Variants in PRKCE observed in about 807,000 individuals in gnomAD.
The protein encoded by PRKCE is protein kinase C epsilon, also known as protein kinase C epsilon type.
A neutral mutation model predicts 85.4 loss-of-function variants in PRKCE; 16 were observed. That is an observed-to-expected ratio of 0.19 (90% CI 0.13 to 0.28). PRKCE has a LOEUF of 0.28. Ranked by LOEUF, PRKCE falls within the 10% of genes least tolerant of loss-of-function variation. The pLI is 1.00. For synonymous variants in PRKCE, 388 were observed against 371.5 expected, an observed-to-expected ratio of 1.04 and a Z score of -0.51; for missense variants, 573 against 975.2, an observed-to-expected ratio of 0.59 and a Z score of 5.49.
Position 45,998,112 on chromosome 2 carries a change from T to C in PRKCE, c.824-3292T>C, listed in dbSNP as rs143842062. On this transcript the variant is annotated intron_variant, in intron 6 of 14. Transcript: ENST00000306156. ...ATTGCTTCATATCTTGAGAAGAATG[T>C]GTATTCTTCTGTCACCGAATGAAGT... Among the ~76,000 whole-genome samples, 26 of 152,354 alleles carry C rather than the reference T, an allele frequency of 1.7e-4. 1 individual carries two copies. The highest frequency in any genetic ancestry group is 6.0e-4 in the African/African-American group (25 of 41,582).
At chr2:45,938,427 A>T (rs1426493951) in intron 2 of PRKCE, among the ~76,000 whole-genome samples, 5 of 152,216 alleles carry the variant, frequency 3.3e-5, no homozygotes, top group Non-Finnish European at 5.9e-5. Context: ...ATCTAGGACT[A>T]TCCTTAGTGA....
Position 46,010,559 on chromosome 2 carries a change from C to T in PRKCE, c.1437+42C>T, listed in dbSNP as rs766985789. The T allele has an allele frequency of 1.8e-5, 29 of 1,597,734 alleles. 1 individual carries two copies. In the Middle Eastern group the frequency reaches 1.2e-3, roughly 64 times the overall value. On this transcript the variant is annotated intron_variant, in intron 10 of 14. Coordinates refer to ENST00000306156, the MANE Select transcript of PRKCE (RefSeq NM_005400.3). ...CTGGCTGGCTGCCATGTTGGGGCAT[C>T]TTGACTATCAGATAAAATACCAATT... is the stretch of plus-strand genomic sequence containing the variant.
rs1358802111 is a variant in PRKCE at position 46,185,620 on chromosome 2, A to G, written c.*739A>G. 1 of 152,694 alleles carries G rather than the reference A, an allele frequency of 6.5e-6. No homozygotes were observed. The highest frequency in any genetic ancestry group is 2.4e-5 in the African/African-American group (1 of 41,474). 9.5% of individuals were successfully genotyped at this position (152,694 alleles called of 1,614,324 possible). Reference sequence around the variant, plus strand: ...AATTCACTTTCTAATTGGCCAAAAGAGATGAGTTCCAGTCTGAATACAGGT... The same window carrying G: ...AATTCACTTTCTAATTGGCCAAAAGGGATGAGTTCCAGTCTGAATACAGGT... On this transcript the variant is annotated 3_prime_UTR_variant, in exon 15 of 15. Coordinates refer to ENST00000306156, the MANE Select transcript of PRKCE (RefSeq NM_005400.3). This position sits in a 1 kb window ranked among gnomAD's most constrained non-coding sequence, Gnocchi z 4.7.
At chr2:46,153,334 A>G (rs1392522176) in intron 13 of PRKCE, among the ~76,000 whole-genome samples, 1 of 152,234 alleles carries the variant, frequency 6.6e-6, no homozygotes, top group African/African-American at 2.4e-5. Flanking sequence ...TATTCTATAA[A>G]TATTTATTGG....
In PRKCE at chr2:46,070,098, A is replaced by G. The variant is rs114070244; in HGVS notation, c.1438-16110A>G. 2.6e-3 allele frequency among the ~76,000 whole-genome samples: 392 copies of G among 152,292 alleles called. 2 individuals are homozygous for G. The highest frequency in any genetic ancestry group is 4.2e-3 in the Non-Finnish European group (287 of 68,022). ...TGACGTCCAGATGGTGGAGTTTGCT[A>G]CAAAGCAGCCCACTGTATGAAAGAC... On this transcript the variant is annotated intron_variant, in intron 10 of 14. Coordinates refer to ENST00000306156, the MANE Select transcript of PRKCE (RefSeq NM_005400.3).
chr2:45,837,586 G>A (rs868644105), intron 1 of PRKCE, among the ~76,000 whole-genome samples: 41 of 152,148 alleles, frequency 2.7e-4, no homozygotes, highest in African/African-American at 9.2e-4. Context: ...CTGCCAGTCC[G>A]GCTCCAGGGG....
At chr2:45,696,894 T>G (rs895800066) in intron 1 of PRKCE, among the ~76,000 whole-genome samples, 1 of 152,134 alleles carries the variant, frequency 6.6e-6, no homozygotes, top group Non-Finnish European at 1.5e-5. Flanking sequence ...ACTGTGTTGA[T>G]CATGTGACTG....
At chr2:46,160,065 G>T (rs1172074049) in intron 14 of PRKCE, 12 of 299,620 alleles carry the variant, frequency 4.0e-5, no homozygotes, top group Non-Finnish European at 5.5e-5. Context: ...TTCCATGTAT[G>T]GTAGAGACAT....
chr2:45,764,261 T>C (rs1260233240), intron 1 of PRKCE, among the ~76,000 whole-genome samples: 2 of 152,206 alleles, frequency 1.3e-5, no homozygotes, highest in African/African-American at 4.8e-5. Context: ...TATTGGCCCA[T>C]TTAAGTTACA....
intron 14 of PRKCE, among the ~76,000 whole-genome samples, chr2:46,176,840 A>G (rs375758469): frequency 7.2e-5 from 11 of 152,218 alleles, no homozygotes; most frequent in Admixed American, 2.0e-4. Context: ...CAACAGAGAG[A>G]TAGGAGGCAT....
intron 1 of PRKCE, among the ~76,000 whole-genome samples, chr2:45,762,195 T>C (rs1292055871): frequency 6.6e-6 from 1 of 152,254 alleles, no homozygotes; most frequent in Non-Finnish European, 1.5e-5. Flanking sequence ...TGTCAAGCTC[T>C]CTTACTTCCG....
rs2105122054 is a variant in PRKCE, at chr2:45,794,715, C to G, written c.349-48285C>G. Among the ~76,000 whole-genome samples the G allele has an allele frequency of 1.3e-5, 2 of 152,262 alleles. 1 individual carries two copies. Among genetic ancestry groups the G allele is most frequent in the South Asian group, 4.2e-4 (2 of 4,812 alleles). ...TCTCTGACTTCCTTTCTTCCTCTCC[C>G]ACTCCCAAGGTTGGACTGTTCGAAT... On this transcript the variant is annotated intron_variant, in intron 1 of 14. Coordinates refer to ENST00000306156, the MANE Select transcript of PRKCE (RefSeq NM_005400.3).
chr2:45,988,665 C>T (rs1703543116), intron 6 of PRKCE, among the ~76,000 whole-genome samples: 1 of 152,198 alleles, frequency 6.6e-6, no homozygotes, highest in South Asian at 2.1e-4. Flanking sequence ...TTCTTTCTTT[C>T]ATTTTGTGAC....
At chr2:45,934,942 T>C (rs1013170562) in intron 2 of PRKCE, among the ~76,000 whole-genome samples, 1 of 151,110 alleles carries the variant, frequency 6.6e-6, no homozygotes, top group Non-Finnish European at 1.5e-5. Context: ...GTGCCTGTAG[T>C]CCCAGCTACT....
intron 11 of PRKCE, among the ~76,000 whole-genome samples, chr2:46,128,592 A>G (rs1392007916): frequency 6.6e-6 from 1 of 152,252 alleles, no homozygotes; most frequent in East Asian, 1.9e-4. Context: ...AATCTCAGGC[A>G]TCTCTGTCTT....
At chr2:45,858,298 G>C (rs1227515663) in intron 2 of PRKCE, among the ~76,000 whole-genome samples, 1 of 152,110 alleles carries the variant, frequency 6.6e-6, no homozygotes, top group African/African-American at 2.4e-5. Flanking sequence ...AATCAAACCA[G>C]CGTCTTTTGG....
intron 10 of PRKCE, among the ~76,000 whole-genome samples, chr2:46,014,514 T>A (rs756181653): frequency 2.6e-5 from 4 of 152,192 alleles, no homozygotes; most frequent in South Asian, 2.1e-4. Flanking sequence ...TAGAAGACTT[T>A]TAAGTGGGTA....
intron 2 of PRKCE, among the ~76,000 whole-genome samples, chr2:45,918,777 G>A (rs1009915391): frequency 6.6e-6 from 1 of 152,202 alleles, no homozygotes; most frequent in South Asian, 2.1e-4. Context: ...GCGAGGGGGG[G>A]AATGGGAAGG....
At chr2:45,845,974 G>T (rs957546155) in intron 2 of PRKCE, among the ~76,000 whole-genome samples, 2 of 152,188 alleles carry the variant, frequency 1.3e-5, no homozygotes, top group African/African-American at 4.8e-5. Context: ...TGCAAGAAAT[G>T]GACTCGTTTG....
Sources: gnomAD v4.1 joint callset for allele counts (sites outside exome capture counted in the v4.1 genomes callset) on GRCh38, gnomAD v4.1.1 for gene constraint, Gnocchi (gnomAD v3.1) non-coding constraint, MANE v1.5 for transcripts, NCBI Gene and HGNC (gene_info 2026-07-23, HGNC 2026-07-21) for gene names.